NRIP1: variants seen among roughly 807,000 people sequenced by gnomAD.
The protein encoded by NRIP1 is nuclear receptor-interacting protein 1.
NRIP1 carries 28 observed loss-of-function variants against 75.0 expected under a neutral mutation model. That is an observed-to-expected ratio of 0.37 (90% CI 0.28 to 0.51). NRIP1 has a LOEUF of 0.51. Among genes scored for constraint, NRIP1 ranks in the 20% least tolerant of loss-of-function variants. The probability of loss-of-function intolerance (pLI) is 0.92; values close to 1 mark genes in which losing one functional copy is unlikely to be tolerated. For synonymous variants in NRIP1, 526 were observed against 487.6 expected, an observed-to-expected ratio of 1.08 and a Z score of -1.04; for missense variants, 1,435 against 1,343.7, an observed-to-expected ratio of 1.07 and a Z score of -1.06.
At chr21:15,054,762 C>T (rs964164956) in intron 1 of NRIP1, among the ~76,000 whole-genome samples, 7 of 152,226 alleles carry the variant, frequency 4.6e-5, no homozygotes, top group African/African-American at 1.7e-4. Flanking sequence ...AGACATCCTT[C>T]TGTGTGCCAG....
rs1388525703 is a variant in NRIP1, at chr21:14,964,153, C to G, written c.*563G>C. ...ACATTGGGAACCACAAAACCTCTTC[C>G]AAGAGTTAAAAATAAACACCTTTTT... is the stretch of plus-strand genomic sequence containing the variant. On this transcript the variant is annotated 3_prime_UTR_variant, in exon 4 of 4. Coordinates refer to ENST00000318948, the MANE Select transcript of NRIP1 (RefSeq NM_003489.4). 1.4e-5 allele frequency: 2 copies of G among 140,918 alleles called. No individual in the cohort carries two copies. The highest frequency in any genetic ancestry group is 3.0e-5 in the Non-Finnish European group (2 of 66,070). The allele number at this position is 140,918 out of a possible 1,614,324, so 8.7% of individuals were successfully genotyped here.
chr21:14,974,669 T>C (rs1182030845), intron 3 of NRIP1, among the ~76,000 whole-genome samples: 2 of 152,354 alleles, frequency 1.3e-5, no homozygotes, highest in East Asian at 1.9e-4. Context: ...ATTGAAGTTT[T>C]TGCCACAAAA....
At chr21:15,033,555 T>G (rs2088761860) in intron 2 of NRIP1, among the ~76,000 whole-genome samples, 1 of 152,218 alleles carries the variant, frequency 6.6e-6, no homozygotes, top group Admixed American at 6.5e-5. Flanking sequence ...TCAAGTATAC[T>G]TCTATACTGT....
intron 3 of NRIP1, among the ~76,000 whole-genome samples, chr21:14,974,517 ATC>A (rs1401757166): frequency 6.6e-6 from 1 of 152,226 alleles, no homozygotes; most frequent in Non-Finnish European, 1.5e-5. Flanking sequence ...TTTCTGTATC[ATC>A]TCTTTCTTTA....
chr21:15,024,877 C>A (rs991659643), intron 2 of NRIP1, among the ~76,000 whole-genome samples: 1 of 152,004 alleles, frequency 6.6e-6, no homozygotes, highest in Non-Finnish European at 1.5e-5. Context: ...TCGCATTTCA[C>A]GAAAGAATAC....
chr21:14,997,529 T>C (rs1288621220), intron 3 of NRIP1, among the ~76,000 whole-genome samples: 1 of 151,782 alleles, frequency 6.6e-6, no homozygotes, highest in Non-Finnish European at 1.5e-5. Context: ...TAGACATAAA[T>C]GGTTGGATAC....
intron 3 of NRIP1, among the ~76,000 whole-genome samples, chr21:14,990,767 G>C (rs1168512244): frequency 1.3e-5 from 2 of 152,308 alleles, no homozygotes; most frequent in East Asian, 3.9e-4. Flanking sequence ...CAGAGGGCTA[G>C]ATGGCAAAAT....
intron 3 of NRIP1, among the ~76,000 whole-genome samples, chr21:15,012,967 T>C (rs901017523): frequency 6.6e-6 from 1 of 151,912 alleles, no homozygotes; most frequent in East Asian, 1.9e-4. Flanking sequence ...GGCGGGGCGG[T>C]CACAGGAATA....
intron 3 of NRIP1, among the ~76,000 whole-genome samples, chr21:14,975,642 A>AGG (rs1454229308): frequency 1.5e-4 from 21 of 144,094 alleles, no homozygotes; most frequent in African/African-American, 5.7e-4. Context: ...AAAAAAAAAA[A>AGG]AAGGAAGGAA....
intron 1 of NRIP1, among the ~76,000 whole-genome samples, chr21:15,053,303 C>T (rs1359084822): frequency 2.0e-5 from 3 of 152,110 alleles, no homozygotes; most frequent in Non-Finnish European, 4.4e-5. Flanking sequence ...TTGGCATTAT[C>T]GGGAGGAATA....
intron 2 of NRIP1, among the ~76,000 whole-genome samples, chr21:15,033,332 T>TA: frequency 6.6e-6 from 1 of 152,080 alleles, no homozygotes; most frequent in East Asian, 1.9e-4. Context: ...TATGAATTTA[T>TA]TTCCATTTTA....
intron 1 of NRIP1, among the ~76,000 whole-genome samples, chr21:15,058,137 G>A (rs1327957222): frequency 6.6e-6 from 1 of 152,128 alleles, no homozygotes; most frequent in Non-Finnish European, 1.5e-5. Context: ...GCTGCCGGGG[G>A]AGATAAAAGG....
At chr21:14,995,630 G>T (rs555203405) in intron 3 of NRIP1, among the ~76,000 whole-genome samples, 25 of 152,266 alleles carry the variant, frequency 1.6e-4, no homozygotes, top group African/African-American at 4.8e-4. Context: ...GAAAGAAAGA[G>T]AATTCTTATA....
chr21:14,965,484 G>C lies in NRIP1; in HGVS notation c.2709C>G (p.Ser903Arg). Residue 903 changes from serine to arginine, a missense_variant, in exon 4 of 4, where the codon AGC becomes AGG. Physicochemically the swap from Ser to Arg is moderately radical, Grantham distance 110. Coordinates refer to ENST00000318948, the MANE Select transcript of NRIP1 (RefSeq NM_003489.4). ...GATATTTAAATTCAAGATCATTTCT[G>C]CTAAATTTCAGCTCTTCCTGGTTAA... The part of the protein sequence containing the change: ...SLLNQEELKF[S>R]RNDLEFKYPA... 1 of 1,613,884 alleles carries C rather than the reference G, an allele frequency of 6.2e-7. No homozygotes were observed. Among genetic ancestry groups the C allele is most frequent in the Non-Finnish European group, 8.5e-7 (1 of 1,179,930 alleles).
At chr21:15,061,147 A>G (rs2089415036) in intron 1 of NRIP1, among the ~76,000 whole-genome samples, 1 of 152,128 alleles carries the variant, frequency 6.6e-6, no homozygotes, top group Non-Finnish European at 1.5e-5. Context: ...CTTGTTGAAA[A>G]TTTTCTTTGA....
chr21:14,997,819 AGAG>A (rs2087765720), intron 3 of NRIP1, among the ~76,000 whole-genome samples: 1 of 151,830 alleles, frequency 6.6e-6, no homozygotes, highest in Non-Finnish European at 1.5e-5. Context: ...CATAACCTAA[AGAG>A]GAAGACACTA....
In NRIP1 at chr21:14,988,797, G is replaced by A. The variant is rs143427320; in HGVS notation, c.-334-20271C>T. Among the ~76,000 whole-genome samples the A allele has an allele frequency of 2.0e-3, 311 of 152,226 alleles. 2 individuals are homozygous for A. Among genetic ancestry groups the A allele is most frequent in the Non-Finnish European group, 2.1e-3 (142 of 68,014 alleles). ...TTCCTCTCTTGACATCTGGAATTCA[G>A]AGGGAGACAGAAAGCTTCATTTTGG... On this transcript the variant is annotated intron_variant, in intron 3 of 3. Coordinates refer to ENST00000318948, the MANE Select transcript of NRIP1 (RefSeq NM_003489.4).
At chr21:14,993,294 T>C (rs975690280) in intron 3 of NRIP1, among the ~76,000 whole-genome samples, 3 of 152,104 alleles carry the variant, frequency 2.0e-5, no homozygotes, top group African/African-American at 7.2e-5. Context: ...TAAACTATTT[T>C]ACTGTATTGG....
chr21:15,027,286 G>A (rs1472478936), intron 2 of NRIP1, among the ~76,000 whole-genome samples: 1 of 152,126 alleles, frequency 6.6e-6, no homozygotes. Flanking sequence ...GTAGGTTCTT[G>A]GCAGATCACT....
Sources: gnomAD v4.1 joint callset for allele counts (sites outside exome capture counted in the v4.1 genomes callset) on GRCh38, gnomAD v4.1.1 for gene constraint, MANE v1.5 for transcripts, NCBI Gene and HGNC (gene_info 2026-07-23, HGNC 2026-07-21) for gene names.